NPAS3: variants seen among roughly 807,000 people sequenced by gnomAD.
NPAS3 encodes the protein neuronal PAS domain-containing protein 3.
A neutral mutation model predicts 73.1 loss-of-function variants in NPAS3; 14 were observed. The ratio of observed to expected loss-of-function variants is 0.19; its 90% CI spans 0.13 to 0.30. The LOEUF (loss-of-function observed/expected upper bound fraction) is 0.30, where lower values mean the gene tolerates loss of function less well. Ranked by LOEUF, NPAS3 falls within the 10% of genes least tolerant of loss-of-function variation. The probability of loss-of-function intolerance (pLI) is 1.00; values close to 1 mark genes in which losing one functional copy is unlikely to be tolerated. For missense variants in NPAS3, 1,096 were observed against 1,250.0 expected (o/e 0.88, Z 1.86); for synonymous variants, 620 against 541.5 (o/e 1.14, Z -2.01).
chr14:33,028,778 T>C (rs2138326288), intron 1 of NPAS3, among the ~76,000 whole-genome samples: 1 of 152,204 alleles, frequency 6.6e-6, no homozygotes, highest in African/African-American at 2.4e-5. Context: ...GAGACTTTTT[T>C]TGAGGTGATG....
chr14:33,077,589 T>C (rs1441442386), intron 2 of NPAS3, among the ~76,000 whole-genome samples: 2 of 152,160 alleles, frequency 1.3e-5, no homozygotes, highest in Non-Finnish European at 2.9e-5. Flanking sequence ...AATTTGTTTT[T>C]TGTAAATGTT....
intron 6 of NPAS3, among the ~76,000 whole-genome samples, chr14:33,710,797 G>C (rs986807164): frequency 2.6e-5 from 4 of 152,198 alleles, no homozygotes; most frequent in African/African-American, 9.7e-5. Context: ...CACAGAAATT[G>C]AGACTGCTTT....
intron 6 of NPAS3, among the ~76,000 whole-genome samples, chr14:33,722,119 T>C (rs1422889676): frequency 6.6e-6 from 1 of 152,232 alleles, no homozygotes; most frequent in Non-Finnish European, 1.5e-5. Flanking sequence ...TTTGGCATTA[T>C]AGAATATACC....
intron 7 of NPAS3, among the ~76,000 whole-genome samples, chr14:33,755,183 A>T (rs1448421945): frequency 1.3e-5 from 2 of 152,246 alleles, no homozygotes; most frequent in Non-Finnish European, 2.9e-5. Flanking sequence ...TTAATGTAAG[A>T]TAATATGAGT....
intron 4 of NPAS3, among the ~76,000 whole-genome samples, chr14:33,368,710 T>A (rs1036075883): frequency 2.0e-5 from 3 of 152,240 alleles, no homozygotes; most frequent in Admixed American, 2.0e-4. Flanking sequence ...GAATTACCTT[T>A]GTTACAACCT....
intron 4 of NPAS3, among the ~76,000 whole-genome samples, chr14:33,480,569 C>CTCTCTCTCTCCTTCTGGG (rs2051275738): frequency 1.6e-5 from 2 of 125,446 alleles, no homozygotes; most frequent in African/African-American, 6.7e-5. Context: ...CCCTCCCTCC[C>CTCTCTCTCTCCTTCTGGG]TCCCTCTCTC....
chr14:33,463,414 T>G (rs530009406), intron 4 of NPAS3, among the ~76,000 whole-genome samples: 163 of 152,158 alleles, frequency 1.1e-3, no homozygotes, highest in Non-Finnish European at 2.0e-3. Flanking sequence ...AATAGCTCAT[T>G]TGGAATATTT....
chr14:33,046,260 T>G (rs2040502296), intron 1 of NPAS3, among the ~76,000 whole-genome samples: 2 of 152,092 alleles, frequency 1.3e-5, no homozygotes, highest in Admixed American at 1.3e-4. Flanking sequence ...GGGTTAGTGA[T>G]GAGCAAAGGG....
intron 4 of NPAS3, among the ~76,000 whole-genome samples, chr14:33,502,442 C>T (rs1043074496): frequency 1.3e-5 from 2 of 151,876 alleles, no homozygotes; most frequent in African/African-American, 4.8e-5. Context: ...TTGGGGAGAG[C>T]CCTGTCCTGA....
At chr14:33,551,105 A>C (rs1347125275) in intron 4 of NPAS3, among the ~76,000 whole-genome samples, 11 of 152,224 alleles carry the variant, frequency 7.2e-5, no homozygotes, top group Admixed American at 7.2e-4. Context: ...TGGCCTATGA[A>C]TTATCCCCAA....
At position 33,358,853 on chromosome 14, in the gene NPAS3, C is replaced by T. The variant is rs571406324; in HGVS notation, c.386-8333C>T. ...CTTATATCCCTAGCACCTTGGTCAACAGGGTTGATACCCTTCCATATTATA... is the reference window on the plus strand; with the variant it reads ...CTTATATCCCTAGCACCTTGGTCAATAGGGTTGATACCCTTCCATATTATA... On this transcript the variant is annotated intron_variant, in intron 3 of 11. Coordinates refer to ENST00000356141, the Ensembl canonical transcript of NPAS3. 3.9e-4 allele frequency among the ~76,000 whole-genome samples: 60 copies of T among 152,334 alleles called. 1 individual carries two copies. The South Asian group carries it at 0.012, about 32-fold the overall frequency.
intron 2 of NPAS3, among the ~76,000 whole-genome samples, chr14:33,058,224 A>G (rs1379699506): frequency 1.3e-5 from 2 of 152,170 alleles, no homozygotes; most frequent in East Asian, 3.9e-4. Context: ...GTAGGCAAAC[A>G]GTCAGGGTCA....
chr14:33,094,957 A>G (rs894884957), intron 2 of NPAS3, among the ~76,000 whole-genome samples: 6 of 152,226 alleles, frequency 3.9e-5, no homozygotes, highest in African/African-American at 1.4e-4. Flanking sequence ...TTTAATGGAT[A>G]TGGTTCTGCA....
chr14:33,195,765 A>T (rs73272456), intron 2 of NPAS3, among the ~76,000 whole-genome samples: 2 of 152,344 alleles, frequency 1.3e-5, no homozygotes, highest in African/African-American at 4.8e-5. Flanking sequence ...GATTTTGGTT[A>T]AGCCAGTTTT....
chr14:33,045,833 C>A (rs748857088), intron 1 of NPAS3, among the ~76,000 whole-genome samples: 2 of 152,188 alleles, frequency 1.3e-5, no homozygotes, highest in Admixed American at 6.5e-5. Flanking sequence ...ATTTTCAGAA[C>A]CTTTAAATTA....
intron 1 of NPAS3, among the ~76,000 whole-genome samples, chr14:33,051,306 A>G (rs1263485134): frequency 2.0e-5 from 3 of 151,230 alleles, no homozygotes; most frequent in Non-Finnish European, 4.4e-5. Flanking sequence ...AAGAGAGACT[A>G]AAGAACTTCC....
chr14:33,752,365 A>G (rs2061989001), intron 7 of NPAS3, among the ~76,000 whole-genome samples: 1 of 152,154 alleles, frequency 6.6e-6, no homozygotes, highest in Admixed American at 6.5e-5. Context: ...TACACTCCCA[A>G]GCCATGCAAG....
At chr14:33,507,928 C>CTG (rs1362214000) in intron 4 of NPAS3, among the ~76,000 whole-genome samples, 3 of 151,838 alleles carry the variant, frequency 2.0e-5, no homozygotes, top group African/African-American at 4.8e-5. Flanking sequence ...GGGTGTGTCT[C>CTG]TGTCATTTTT....
intron 2 of NPAS3, among the ~76,000 whole-genome samples, chr14:33,191,622 A>G (rs1401072511): frequency 6.6e-6 from 1 of 152,220 alleles, no homozygotes; most frequent in Non-Finnish European, 1.5e-5. Flanking sequence ...CAAAATGCCA[A>G]TCAGAACCCT....
Sources: allele counts gnomAD v4.1 joint callset (sites outside exome capture counted in the v4.1 genomes callset), GRCh38; gene constraint gnomAD v4.1.1; transcripts MANE v1.5; gene names NCBI Gene and HGNC (gene_info 2026-07-23, HGNC 2026-07-21).